CAMTA1: variants seen among roughly 807,000 people sequenced by gnomAD.
The protein encoded by CAMTA1 is calmodulin-binding transcription activator 1.
A neutral mutation model predicts 170.9 loss-of-function variants in CAMTA1; 27 were observed. The observed-to-expected ratio is 0.16, with a 90% CI of 0.12 to 0.22. The LOEUF is 0.22. CAMTA1 is among the 10% of genes least tolerant of loss of function. The probability of loss-of-function intolerance (pLI) is 1.00; values close to 1 mark genes in which losing one functional copy is unlikely to be tolerated. For synonymous variants in CAMTA1, 833 were observed against 891.5 expected, an observed-to-expected ratio of 0.93 and a Z score of 1.17; for missense variants, 1,619 against 2,217.2, an observed-to-expected ratio of 0.73 and a Z score of 5.42.
chr1:7,525,235 C>T (rs2094417582), intron 6 of CAMTA1, among the ~76,000 whole-genome samples: 1 of 152,010 alleles, frequency 6.6e-6, no homozygotes, highest in African/African-American at 2.4e-5. Flanking sequence ...CCGGGCCGCC[C>T]TGCAGCAGGG....
In CAMTA1 at chr1:7,014,870, G is replaced by T. The variant is rs1201015110; in HGVS notation, c.235-76434G>T. Among the ~76,000 whole-genome samples, 2 of 152,140 alleles carry T rather than the reference G, an allele frequency of 1.3e-5. No individual in the cohort carries two copies. Among genetic ancestry groups the T allele is most frequent in the Non-Finnish European group, 2.9e-5 (2 of 68,020 alleles). Reference sequence around the variant, plus strand: ...ATCAGTGGGTTTCTGATGAATGCCTGGAGTTGTTTGTATAATTGGGGCTCT... The same window carrying T: ...ATCAGTGGGTTTCTGATGAATGCCTTGAGTTGTTTGTATAATTGGGGCTCT... On this transcript the variant is annotated intron_variant, in intron 3 of 22. Coordinates refer to ENST00000303635, the MANE Select transcript of CAMTA1 (RefSeq NM_015215.4). The surrounding 1 kb of genome is among the most constrained non-coding windows in gnomAD (Gnocchi z 4.2).
At chr1:7,230,376 G>A (rs929819378) in intron 4 of CAMTA1, among the ~76,000 whole-genome samples, 7 of 148,336 alleles carry the variant, frequency 4.7e-5, no homozygotes, top group Non-Finnish European at 8.9e-5. Flanking sequence ...GCCCTCTCCC[G>A]GCTTTCTTGG....
At chr1:7,493,209 C>G (rs1470219802) in intron 6 of CAMTA1, among the ~76,000 whole-genome samples, 2 of 147,950 alleles carry the variant, frequency 1.4e-5, no homozygotes, top group African/African-American at 5.1e-5. Context: ...AAACACAAAC[C>G]TACATACACA....
chr1:7,225,679 C>T lies in CAMTA1; in HGVS notation c.303-23812C>T, dbSNP rs139407633. 3.3e-5 allele frequency among the ~76,000 whole-genome samples: 5 copies of T among 152,330 alleles called. No individual in the cohort carries two copies. In the East Asian group the frequency reaches 7.7e-4, roughly 24 times the overall value. On this transcript the variant is annotated intron_variant, in intron 4 of 22. Transcript: ENST00000303635. ...GAAGCTCAGACACTTAGCAGGATTT[C>T]GGGGGTTCACTTCTCTGCATCAGTC...
intron 7 of CAMTA1, among the ~76,000 whole-genome samples, chr1:7,655,088 CTATA>C (rs2095878647): frequency 1.7e-5 from 1 of 59,664 alleles, no homozygotes; most frequent in African/African-American, 7.5e-5. Flanking sequence ...ACACACCCAC[CTATA>C]CACACACACC....
chr1:7,704,172 G>A (rs1372640190), intron 11 of CAMTA1, among the ~76,000 whole-genome samples: 3 of 149,446 alleles, frequency 2.0e-5, no homozygotes, highest in Admixed American at 6.7e-5. Context: ...CGCCGCCGCA[G>A]GGCGCGCCGG....
At position 7,299,250 on chromosome 1, in the gene CAMTA1, A is replaced by C. The variant is rs1674413581; in HGVS notation, c.438+49624A>C. 6.6e-6 allele frequency among the ~76,000 whole-genome samples: 1 copy of C among 152,246 alleles called. No individual in the cohort carries two copies. Among genetic ancestry groups the C allele is most frequent in the Non-Finnish European group, 1.5e-5 (1 of 68,044 alleles). ...TCTTCATAATAAAATCGTATATGAAACAATGACTTGATTTCTTTATATGAA... is the reference window on the plus strand; with the variant it reads ...TCTTCATAATAAAATCGTATATGAACCAATGACTTGATTTCTTTATATGAA... On this transcript the variant is annotated intron_variant, in intron 5 of 22. Coordinates refer to ENST00000303635, the MANE Select transcript of CAMTA1 (RefSeq NM_015215.4). This position sits in a 1 kb window ranked among gnomAD's most constrained non-coding sequence, Gnocchi z 4.7.
chr1:7,576,603 C>T (rs2095196424), intron 6 of CAMTA1, among the ~76,000 whole-genome samples: 1 of 152,170 alleles, frequency 6.6e-6, no homozygotes, highest in African/African-American at 2.4e-5. Context: ...TTTCCAGCCT[C>T]CAGAACTGGA....
intron 3 of CAMTA1, among the ~76,000 whole-genome samples, chr1:6,982,208 A>G (rs1411698330): frequency 6.6e-6 from 1 of 151,920 alleles, no homozygotes; most frequent in Admixed American, 6.6e-5. Context: ...CCCACAGAGC[A>G]CTCCCTGAGT....
chr1:7,403,736 C>T (rs1484877266), intron 5 of CAMTA1, among the ~76,000 whole-genome samples: 1 of 152,194 alleles, frequency 6.6e-6, no homozygotes, highest in Non-Finnish European at 1.5e-5. Context: ...CATCTAGAAC[C>T]TGGTTGATCT....
chr1:7,756,013 A>G lies in CAMTA1; in HGVS notation c.4989+345A>G, dbSNP rs1192869070. 2.6e-5 allele frequency among the ~76,000 whole-genome samples: 4 copies of G among 152,202 alleles called. No individual in the cohort carries two copies. The East Asian group carries it at 7.7e-4, about 29-fold the overall frequency. On this transcript the variant is annotated intron_variant, in intron 22 of 22. Coordinates refer to ENST00000303635, the MANE Select transcript of CAMTA1 (RefSeq NM_015215.4). ...AAATAACGCTGCGTTATACGAAAACATTCAGCCAGTGGCTTTTTGTGATTA... is the reference window on the plus strand; with the variant it reads ...AAATAACGCTGCGTTATACGAAAACGTTCAGCCAGTGGCTTTTTGTGATTA...
At chr1:7,141,084 C>T (rs145145474) in intron 4 of CAMTA1, among the ~76,000 whole-genome samples, 153 of 152,260 alleles carry the variant, frequency 1.0e-3, no homozygotes, top group African/African-American at 2.8e-3. Context: ...CAGCTGGACT[C>T]GGCCCCTCTG....
At chr1:7,253,159 T>C (rs2149319405) in intron 5 of CAMTA1, among the ~76,000 whole-genome samples, 1 of 152,316 alleles carries the variant, frequency 6.6e-6, no homozygotes, top group East Asian at 1.9e-4. Context: ...GAGTTGGCCC[T>C]GCACCCCATA....
At chr1:7,098,625 C>T (rs1642372082) in intron 4 of CAMTA1, among the ~76,000 whole-genome samples, 1 of 152,214 alleles carries the variant, frequency 6.6e-6, no homozygotes, top group Non-Finnish European at 1.5e-5. Context: ...ATAGGTCTGC[C>T]CCAGATTCCA....
intron 5 of CAMTA1, among the ~76,000 whole-genome samples, chr1:7,400,450 T>C (rs534006728): frequency 1.3e-5 from 2 of 152,324 alleles, no homozygotes; most frequent in Admixed American, 6.5e-5. Flanking sequence ...GATAATTATA[T>C]TGAGCTTTTT....
At chr1:6,949,525 G>A (rs1293764292) in intron 3 of CAMTA1, among the ~76,000 whole-genome samples, 2 of 152,154 alleles carry the variant, frequency 1.3e-5, no homozygotes, top group Admixed American at 6.5e-5. Flanking sequence ...CCGGCTGAGC[G>A]CTGACGAAGC....
chr1:7,495,731 C>T (rs1278680006), intron 6 of CAMTA1, among the ~76,000 whole-genome samples: 2 of 152,190 alleles, frequency 1.3e-5, no homozygotes, highest in African/African-American at 4.8e-5. Context: ...AAATTCCTAC[C>T]CCCAGATTTA....
chr1:7,075,514 A>AGCACC (rs1297954242), intron 3 of CAMTA1, among the ~76,000 whole-genome samples: 1 of 152,170 alleles, frequency 6.6e-6, no homozygotes, highest in African/African-American at 2.4e-5. Context: ...GCGTTGGTTC[A>AGCACC]GCACCAAGGA....
At chr1:7,498,992 GTA>G (rs55716236) in intron 6 of CAMTA1, among the ~76,000 whole-genome samples, 8,865 of 132,694 alleles carry the variant, frequency 0.067, 449 homozygotes, top group African/African-American at 0.12. Context: ...GCGTGTGTAT[GTA>G]TATGAGTGTG....
Sources: allele counts gnomAD v4.1 joint callset (sites outside exome capture counted in the v4.1 genomes callset), GRCh38; gene constraint gnomAD v4.1.1; non-coding constraint Gnocchi (gnomAD v3.1); transcripts MANE v1.5; gene names NCBI Gene and HGNC (gene_info 2026-07-23, HGNC 2026-07-21).